PARD3B: variants seen among roughly 807,000 people sequenced by gnomAD.
PARD3B encodes the protein partitioning defective 3 homolog B.
In PARD3B, 103 loss-of-function variants were observed where a neutral mutation model predicts 130.2. The ratio of observed to expected loss-of-function variants is 0.79; its 90% confidence interval spans 0.67 to 0.93. The LOEUF (loss-of-function observed/expected upper bound fraction) is 0.93, where lower values mean the gene tolerates loss of function less well. Ranked by LOEUF, PARD3B falls within the 40% of genes least tolerant of loss-of-function variation. The pLI, the probability that PARD3B is intolerant of heterozygous loss-of-function variation, is 0.00. For missense variants in PARD3B, 1,609 were observed against 1,499.2 expected (o/e 1.07, Z -1.21); for synonymous variants, 583 against 553.2 (o/e 1.05, Z -0.76).
chr2:204,890,331 T>G lies in PARD3B; in HGVS notation c.223-74821T>G, dbSNP rs557659765. 1.3e-5 allele frequency among the ~76,000 whole-genome samples: 2 copies of G among 152,298 alleles called. No homozygotes were observed. The highest frequency in any genetic ancestry group is 4.8e-5 in the African/African-American group (2 of 41,566). On this transcript the variant is annotated intron_variant, in intron 2 of 22. Coordinates refer to ENST00000406610, the MANE Select transcript of PARD3B (RefSeq NM_001302769.2). This position sits in a 1 kb window ranked among gnomAD's most constrained non-coding sequence, Gnocchi z 4.9. ...GACAAGGCATGGAACAGCATAATGG[T>G]CTTGGGAATGCTTGTGTTTTCCTAA...
chr2:205,603,601 G>T (rs1224397616), intron 22 of PARD3B, among the ~76,000 whole-genome samples: 1 of 152,130 alleles, frequency 6.6e-6, no homozygotes, highest in Admixed American at 6.5e-5. Context: ...TTACCATTAT[G>T]TAATACTCTT....
Position 205,528,568 on chromosome 2 carries a change from T to C in PARD3B, c.3181-24756T>C, listed in dbSNP as rs114000813. ...GTGCAGTGGCACAGTCTCTGCTCAC[T>C]GCTACCTCTACCTCCCAGGTTCAAG... On this transcript the variant is annotated intron_variant, in intron 21 of 22. Coordinates refer to ENST00000406610, the MANE Select transcript of PARD3B (RefSeq NM_001302769.2). Among the ~76,000 whole-genome samples, 549 of 152,158 alleles carry C rather than the reference T, an allele frequency of 3.6e-3. 3 individuals are homozygous for C. Among genetic ancestry groups the C allele is most frequent in the African/African-American group, 0.012 (509 of 41,516 alleles).
intron 11 of PARD3B, among the ~76,000 whole-genome samples, chr2:205,165,373 G>A (rs923654769): frequency 6.6e-6 from 1 of 152,100 alleles, no homozygotes; most frequent in Non-Finnish European, 1.5e-5. Context: ...TGTGGCCATA[G>A]TAAAGGCCAT....
At chr2:205,479,811 C>G (rs555862483) in intron 20 of PARD3B, among the ~76,000 whole-genome samples, 1 of 152,156 alleles carries the variant, frequency 6.6e-6, no homozygotes, top group Non-Finnish European at 1.5e-5. Flanking sequence ...TCCTGTAAAG[C>G]CCATATGATC....
intron 2 of PARD3B, among the ~76,000 whole-genome samples, chr2:204,843,532 G>C (rs923046627): frequency 5.3e-5 from 8 of 152,006 alleles, no homozygotes; most frequent in African/African-American, 1.9e-4. Flanking sequence ...TGGGACTACA[G>C]GTTCACACCA....
chr2:205,584,570 C>T lies in PARD3B; in HGVS notation c.3261-30886C>T, dbSNP rs1305575856. On this transcript the variant is annotated intron_variant, in intron 22 of 22. Transcript: ENST00000406610. This position sits in a 1 kb window ranked among gnomAD's most constrained non-coding sequence, Gnocchi z 5.5. ...GCGGGTGCCTGTAATCCCAGCTACTCGGGAGGCTGAGGCAGGAGAATCGCT... is the reference window on the plus strand; with the variant it reads ...GCGGGTGCCTGTAATCCCAGCTACTTGGGAGGCTGAGGCAGGAGAATCGCT... Among the ~76,000 whole-genome samples, 6 of 151,844 alleles carry T rather than the reference C, an allele frequency of 4.0e-5. No individual in the cohort carries two copies. The highest frequency in any genetic ancestry group is 2.0e-4 in the Admixed American group (3 of 15,246).
intron 2 of PARD3B, among the ~76,000 whole-genome samples, chr2:204,700,419 T>A (rs7584529): frequency 0.11 from 17,384 of 152,052 alleles, 2,235 homozygotes; most frequent in African/African-American, 0.32. Flanking sequence ...CACCATTTGG[T>A]CAGTAGCACA....
At chr2:205,085,288 T>C (rs1299113621) in intron 4 of PARD3B, among the ~76,000 whole-genome samples, 1 of 152,098 alleles carries the variant, frequency 6.6e-6, no homozygotes, top group African/African-American at 2.4e-5. Flanking sequence ...CCTACTAATG[T>C]ATCTTGCTGC....
At position 205,564,590 on chromosome 2, in the gene PARD3B, G is replaced by A. The variant is rs1043387929; in HGVS notation, c.3260+11187G>A. On this transcript the variant is annotated intron_variant, in intron 22 of 22. Transcript: ENST00000406610. The surrounding 1 kb of genome is among the most constrained non-coding windows in gnomAD (Gnocchi z 4.6). The stretch of plus-strand genomic sequence containing the variant: ...TTCTGGCACATCCTTAGGGGACATG[G>A]CTGAGACGCAAATGCCAGACAACTG... Among the ~76,000 whole-genome samples, 11 of 152,080 alleles carry A rather than the reference G, an allele frequency of 7.2e-5. No homozygotes were observed. Among genetic ancestry groups the A allele is most frequent in the African/African-American group, 2.7e-4 (11 of 41,418 alleles).
At chr2:205,443,205 A>G (rs2047785245) in intron 20 of PARD3B, among the ~76,000 whole-genome samples, 1 of 152,180 alleles carries the variant, frequency 6.6e-6, no homozygotes, top group Non-Finnish European at 1.5e-5. Context: ...GCCTGTGCCC[A>G]GATAAGTCTA....
chr2:205,138,969 A>G (rs1264110227), intron 10 of PARD3B, among the ~76,000 whole-genome samples: 4 of 152,172 alleles, frequency 2.6e-5, no homozygotes, highest in Non-Finnish European at 5.9e-5. Flanking sequence ...TGGGTAGCAT[A>G]AGGGACTTCA....
chr2:204,667,375 C>T (rs1204949543), intron 1 of PARD3B, among the ~76,000 whole-genome samples: 1 of 151,910 alleles, frequency 6.6e-6, no homozygotes, highest in Non-Finnish European at 1.5e-5. Flanking sequence ...ACCTCAAATT[C>T]CTCAGATATC....
At chr2:204,965,107 A>G (rs773505290) in intron 2 of PARD3B, 45 bp from the exon 3 acceptor site, 4 of 1,588,854 alleles carry the variant, frequency 2.5e-6, no homozygotes, top group Non-Finnish European at 3.4e-6. Context: ...TCCGTGTGGT[A>G]TGCATGTCCT....
At chr2:205,582,797 G>A (rs2054040018) in intron 22 of PARD3B, among the ~76,000 whole-genome samples, 1 of 152,048 alleles carries the variant, frequency 6.6e-6, no homozygotes. Flanking sequence ...ACACTTATAG[G>A]GAAGTGGCCT....
At chr2:204,680,838 T>C (rs1051753526) in intron 1 of PARD3B, among the ~76,000 whole-genome samples, 1 of 152,156 alleles carries the variant, frequency 6.6e-6, no homozygotes, top group Admixed American at 6.5e-5. Flanking sequence ...TAAGAGAACA[T>C]ATTTTAAATG....
intron 4 of PARD3B, among the ~76,000 whole-genome samples, chr2:205,062,032 C>T (rs1349056390): frequency 6.6e-6 from 1 of 152,008 alleles, no homozygotes; most frequent in Non-Finnish European, 1.5e-5. Flanking sequence ...GCCCCCTTCC[C>T]TTGTACGCTT....
intron 4 of PARD3B, among the ~76,000 whole-genome samples, chr2:205,056,598 AAAATT>A (rs1699649989): frequency 6.6e-6 from 1 of 151,926 alleles, no homozygotes; most frequent in Non-Finnish European, 1.5e-5. Context: ...TAAAAAAAAA[AAAATT>A]GCTACTTTTA....
At chr2:204,735,513 C>T (rs1329061842) in intron 2 of PARD3B, among the ~76,000 whole-genome samples, 1 of 152,064 alleles carries the variant, frequency 6.6e-6, no homozygotes, top group Admixed American at 6.6e-5. Flanking sequence ...TGACTGGACT[C>T]TTCAAAAAGT....
intron 18 of PARD3B, among the ~76,000 whole-genome samples, chr2:205,318,987 C>A (rs1185548611): frequency 6.6e-6 from 1 of 152,156 alleles, no homozygotes; most frequent in East Asian, 1.9e-4. Context: ...TTTGTGTTCT[C>A]CTCAGTACCT....
Sources: gnomAD v4.1 joint callset for allele counts (sites outside exome capture counted in the v4.1 genomes callset) on GRCh38, gnomAD v4.1.1 for gene constraint, Gnocchi (gnomAD v3.1) non-coding constraint, MANE v1.5 for transcripts, NCBI Gene and HGNC (gene_info 2026-07-23, HGNC 2026-07-21) for gene names.